CTNNA3: variants seen among roughly 807,000 people sequenced by gnomAD.
CTNNA3 encodes the protein catenin alpha 3.
Under a neutral mutation model 95.7 loss-of-function variants are expected in CTNNA3, and 76 were observed. That is an observed-to-expected ratio of 0.79 (90% CI 0.66 to 0.96). CTNNA3 has a LOEUF of 0.96. Among genes scored for constraint, CTNNA3 ranks in the 40% least tolerant of loss-of-function variants. The pLI, the probability that CTNNA3 is intolerant of heterozygous loss-of-function variation, is 0.00. For synonymous variants in CTNNA3, 431 were observed against 374.4 expected (o/e 1.15, Z -1.74); for missense variants, 1,191 against 1,089.8 (o/e 1.09, Z -1.31).
chr10:66,422,025 T>C (rs2093200296), intron 11 of CTNNA3, among the ~76,000 whole-genome samples: 1 of 151,554 alleles, frequency 6.6e-6, no homozygotes, highest in African/African-American at 2.4e-5. Context: ...TTTTTCCAAA[T>C]GAAATTCCTA....
intron 14 of CTNNA3, chr10:66,079,456 C>T (rs1564622828): frequency 6.6e-6 from 1 of 151,734 alleles, no homozygotes; most frequent in Non-Finnish European, 1.5e-5. Flanking sequence ...TTATATACCT[C>T]CTAGTTTTAT....
chr10:67,650,644 T>C (rs1471565097), intron 1 of CTNNA3, among the ~76,000 whole-genome samples: 1 of 152,208 alleles, frequency 6.6e-6, no homozygotes, highest in Non-Finnish European at 1.5e-5. Context: ...AACACACATT[T>C]CATTTCTAAA....
intron 7 of CTNNA3, among the ~76,000 whole-genome samples, chr10:67,007,282 C>T (rs1852052273): frequency 6.6e-6 from 1 of 152,084 alleles, no homozygotes; most frequent in African/African-American, 2.4e-5. Flanking sequence ...AAGGAATTAA[C>T]AAATTGGCTC....
intron 1 of CTNNA3, among the ~76,000 whole-genome samples, chr10:67,758,717 G>C (rs190989310): frequency 2.6e-4 from 40 of 151,822 alleles, no homozygotes; most frequent in Non-Finnish European, 5.6e-4. Context: ...TAAATAACTG[G>C]GTATAAGATT....
intron 9 of CTNNA3, among the ~76,000 whole-genome samples, chr10:66,625,021 GAA>G (rs1213462931): frequency 1.4e-5 from 1 of 70,138 alleles, no homozygotes; most frequent in African/African-American, 6.3e-5. Flanking sequence ...TTATTGAAAA[GAA>G]AAACCTGGGA....
intron 7 of CTNNA3, among the ~76,000 whole-genome samples, chr10:67,154,864 C>T (rs1861231846): frequency 6.6e-6 from 1 of 152,128 alleles, no homozygotes; most frequent in Non-Finnish European, 1.5e-5. Flanking sequence ...GAGCTCTTTT[C>T]CCCAGGAGGA....
At chr10:66,609,947 C>A (rs1396982097) in intron 10 of CTNNA3, among the ~76,000 whole-genome samples, 1 of 152,050 alleles carries the variant, frequency 6.6e-6, no homozygotes, top group African/African-American at 2.4e-5. Flanking sequence ...ATGTCCTTTG[C>A]AGTAACATGG....
intron 10 of CTNNA3, among the ~76,000 whole-genome samples, chr10:66,574,828 A>G (rs1030545401): frequency 2.6e-5 from 4 of 152,172 alleles, no homozygotes; most frequent in African/African-American, 9.7e-5. Context: ...TATGCTCAAA[A>G]GAGGATTCTT....
At chr10:67,324,932 A>T (rs1193378507) in intron 5 of CTNNA3, among the ~76,000 whole-genome samples, 1 of 152,102 alleles carries the variant, frequency 6.6e-6, no homozygotes, top group African/African-American at 2.4e-5. Flanking sequence ...TTATTGATCA[A>T]TTCAGAGATT....
chr10:66,110,722 A>AG (rs2133776510), intron 13 of CTNNA3, among the ~76,000 whole-genome samples: 1 of 152,292 alleles, frequency 6.6e-6, no homozygotes, highest in Non-Finnish European at 1.5e-5. Flanking sequence ...AAGTTAACTC[A>AG]ACTAACATAT....
At chr10:66,379,058 C>T in intron 12 of CTNNA3, 94 bp downstream of exon 12, 2 of 1,101,758 alleles carry the variant, frequency 1.8e-6, no homozygotes, top group South Asian at 2.7e-5. Context: ...AAAGAAGCAA[C>T]ACAGACTAGA....
At chr10:66,592,840 C>T (rs966445099) in intron 10 of CTNNA3, among the ~76,000 whole-genome samples, 1 of 152,040 alleles carries the variant, frequency 6.6e-6, no homozygotes, top group Non-Finnish European at 1.5e-5. Flanking sequence ...ATATATTAGG[C>T]ATATAAGTTA....
intron 5 of CTNNA3, among the ~76,000 whole-genome samples, chr10:67,260,190 T>G (rs973851952): frequency 1.1e-4 from 16 of 152,188 alleles, no homozygotes; most frequent in Admixed American, 6.5e-4. Context: ...GTTAGGTGTT[T>G]CTCATTCAGC....
chr10:66,819,611 G>A (rs1334901015), intron 7 of CTNNA3, among the ~76,000 whole-genome samples: 1 of 151,984 alleles, frequency 6.6e-6, no homozygotes, highest in Non-Finnish European at 1.5e-5. Context: ...TAAGGGTCTA[G>A]TATACAAAAT....
chr10:66,100,161 G>A (rs1424359086), intron 14 of CTNNA3, among the ~76,000 whole-genome samples: 2 of 152,152 alleles, frequency 1.3e-5, no homozygotes, highest in Non-Finnish European at 1.5e-5. Context: ...AGGAGAGCCA[G>A]TCTAAAGACA....
chr10:66,608,918 C>T (rs931422440), intron 10 of CTNNA3, among the ~76,000 whole-genome samples: 4 of 151,986 alleles, frequency 2.6e-5, no homozygotes, highest in Non-Finnish European at 4.4e-5. Flanking sequence ...GCAATTACAA[C>T]AAAAGAAAAA....
At chr10:66,082,164 A>G (rs529236760) in intron 14 of CTNNA3, among the ~76,000 whole-genome samples, 145 of 151,972 alleles carry the variant, frequency 9.5e-4, no homozygotes, top group Non-Finnish European at 1.3e-3. Context: ...TGCACCCAAG[A>G]TATTAACTAC....
intron 13 of CTNNA3, among the ~76,000 whole-genome samples, chr10:66,108,962 T>A (rs1423789479): frequency 6.6e-6 from 1 of 152,154 alleles, no homozygotes; most frequent in African/African-American, 2.4e-5. Flanking sequence ...AGAGATGAGA[T>A]TTTGTGTAGA....
At chr10:66,154,646 A>G (rs1564706735) in intron 13 of CTNNA3, among the ~76,000 whole-genome samples, 1 of 146,058 alleles carries the variant, frequency 6.8e-6, no homozygotes, top group Admixed American at 7.0e-5. Flanking sequence ...GTGATAGTAT[A>G]TTTCGTTTTT....
Sources: allele counts gnomAD v4.1 joint callset (sites outside exome capture counted in the v4.1 genomes callset), GRCh38; gene constraint gnomAD v4.1.1; transcripts MANE v1.5; gene names NCBI Gene and HGNC (gene_info 2026-07-23, HGNC 2026-07-21).